Variants in ARAP1 observed in about 807,000 individuals in gnomAD.
ARAP1 encodes the protein ArfGAP with RhoGAP domain, ankyrin repeat and PH domain 1.
Under a neutral mutation model 172.2 loss-of-function variants are expected in ARAP1, and 76 were observed. The ratio of observed to expected loss-of-function variants is 0.44; its 90% CI spans 0.37 to 0.53. The LOEUF (loss-of-function observed/expected upper bound fraction) is 0.53. Ranked by LOEUF, ARAP1 falls within the 20% of genes least tolerant of loss-of-function variation. The probability of loss-of-function intolerance (pLI) is 0.00; values close to 1 mark genes in which losing one functional copy is unlikely to be tolerated. For missense variants in ARAP1, 1,686 were observed against 1,977.5 expected (o/e 0.85, Z 2.80); for synonymous variants, 804 against 803.3 (o/e 1.00, Z -0.01).
chr11:72,725,409 G>C lies in ARAP1; in HGVS notation c.509+1211C>G, dbSNP rs1369973873. ...GAAGAATGGTCACTAGAGGGCGCAA[G>C]GGCACCAGGAACCTTCAATCTGAGC... On this transcript the variant is annotated intron_variant, in intron 3 of 34. Transcript: ENST00000393609. This position sits in a 1 kb window ranked among gnomAD's most constrained non-coding sequence, Gnocchi z 4.3. Among the ~76,000 whole-genome samples the C allele has an allele frequency of 6.6e-6, 1 of 152,046 alleles. No individual in the cohort carries two copies. Among genetic ancestry groups the C allele is most frequent in the Non-Finnish European group, 1.5e-5 (1 of 68,004 alleles).
rs778819957 is a variant in ARAP1 at position 72,686,149 on chromosome 11, G to A, written c.4228C>T (p.Arg1410Trp). 6.8e-6 allele frequency: 11 copies of A among 1,613,844 alleles called. No homozygotes were observed. The highest frequency in any genetic ancestry group is 4.0e-5 in the African/African-American group (3 of 74,926). ...CCCAGCCGGACCTCAGGCACTGCCCGGGACACGCGTGAGGGCTCTGAGGGC... is the reference window on the plus strand; with the variant it reads ...CCCAGCCGGACCTCAGGCACTGCCCAGGACACGCGTGAGGGCTCTGAGGGC... ...VWPSEPSRVS[R>W]AVPEVRLGSV... The change falls in exon 34 of 35, where the codon CGG becomes TGG. Residue 1410 changes from arginine (R) to tryptophan (W), a missense_variant. This residue lies in a region of ARAP1 where 379 missense variants were observed against 500.1 expected (regional missense o/e 0.76). Transcript: ENST00000393609.
rs924397769 is a variant in ARAP1 at position 72,725,438 on chromosome 11, C to T, written c.509+1182G>A. Among the ~76,000 whole-genome samples the T allele has an allele frequency of 6.6e-6, 1 of 152,090 alleles. No individual in the cohort carries two copies. Among genetic ancestry groups the T allele is most frequent in the Admixed American group, 6.5e-5 (1 of 15,276 alleles). On this transcript the variant is annotated intron_variant, in intron 3 of 34. Transcript: ENST00000393609. The surrounding 1 kb of genome is among the most constrained non-coding windows in gnomAD (Gnocchi z 4.3). The stretch of plus-strand genomic sequence containing the variant: ...ACCAGGAACCTTCAATCTGAGCTTC[C>T]CTCCAGGTTCCTGGAGAGACCCTAT...
chr11:72,694,235 G>A (rs1185658746), intron 27 of ARAP1, among the ~76,000 whole-genome samples: 1 of 151,726 alleles, frequency 6.6e-6, no homozygotes, highest in Non-Finnish European at 1.5e-5. Context: ...ACGAAACCAT[G>A]GCCTTCAAAG....
chr11:72,723,792 G>A (rs1857602825), intron 3 of ARAP1, among the ~76,000 whole-genome samples: 1 of 152,218 alleles, frequency 6.6e-6, no homozygotes, highest in Non-Finnish European at 1.5e-5. Context: ...ATCCAGCACT[G>A]TTCTAGATGT....
At chr11:72,744,717 C>A (rs1409900721) in intron 1 of ARAP1, among the ~76,000 whole-genome samples, 1 of 152,204 alleles carries the variant, frequency 6.6e-6, no homozygotes, top group African/African-American at 2.4e-5. Context: ...ATTAGAGATA[C>A]TGGAGCAACC....
intron 30 of ARAP1, among the ~76,000 whole-genome samples, chr11:72,691,496 T>C (rs1202320158): frequency 1.3e-5 from 2 of 151,854 alleles, no homozygotes; most frequent in African/African-American, 4.8e-5. Flanking sequence ...GGCTCAGAAG[T>C]GAGGATGTGA....
chr11:72,691,433 G>A (rs865946339), intron 30 of ARAP1, among the ~76,000 whole-genome samples: 4 of 152,268 alleles, frequency 2.6e-5, no homozygotes, highest in South Asian at 2.1e-4. Flanking sequence ...AGAGGGAGGC[G>A]GCCAGGGAAA....
At position 72,695,718 on chromosome 11, in the gene ARAP1, A is replaced by C; in HGVS notation, c.3420T>G (p.Ser1140Arg). ...DLINHYVVVF[S>R]VDEEELRKQR... ...CACTGCCCACTGGCCAGGGACGCAC[A>C]CTAAACACCACCACATAGTGGTTAA... The change falls in exon 24 of 35, where the codon AGT (serine) becomes AGG (arginine). Residue 1140 changes from serine (S) to arginine (R), a missense_variant and splice_region_variant. By Grantham distance (110) the Ser-to-Arg change is moderately radical (BLOSUM62 -1). Transcript: ENST00000393609. This position sits in a 1 kb window ranked among gnomAD's most constrained non-coding sequence, Gnocchi z 4.4. 1 of 1,614,192 alleles carries C rather than the reference A, an allele frequency of 6.2e-7. No homozygotes were observed. The highest frequency in any genetic ancestry group is 1.1e-5 in the South Asian group (1 of 91,082).
chr11:72,747,603 C>T (rs1858406577), intron 1 of ARAP1, among the ~76,000 whole-genome samples: 1 of 152,224 alleles, frequency 6.6e-6, no homozygotes, highest in Non-Finnish European at 1.5e-5. Context: ...GGTTCCAGGG[C>T]CTGCTCTTGC....
intron 7 of ARAP1, 129 bp downstream of exon 7, chr11:72,712,067 G>T: frequency 2.3e-6 from 3 of 1,278,914 alleles, no homozygotes; most frequent in South Asian, 1.6e-5. Flanking sequence ...CCTGGAGGGA[G>T]ACCTGTGCAA....
intron 16 of ARAP1, 107 bp downstream of exon 16, chr11:72,701,542 T>C (rs1856482975): frequency 2.1e-5 from 31 of 1,456,742 alleles, no homozygotes; most frequent in Non-Finnish European, 2.8e-5. Context: ...GGAAGCCCTC[T>C]AGGGTGACTC....
In ARAP1 at chr11:72,711,000, A is replaced by G; in HGVS notation, c.1213+21T>C. The G allele has an allele frequency of 1.2e-6, 2 of 1,613,886 alleles. No homozygotes were observed. Among genetic ancestry groups the G allele is most frequent in the African/African-American group, 1.3e-5 (1 of 74,980 alleles). On this transcript the variant is annotated intron_variant, in intron 9 of 34. Transcript: ENST00000393609. The surrounding 1 kb of genome is among the most constrained non-coding windows in gnomAD (Gnocchi z 4.3). ...TCTCTACCCTCTTCTACACACACAC[A>G]CAACACCCCACACTCCCCACCATCA...
At chr11:72,742,823 G>A (rs989354013) in intron 1 of ARAP1, among the ~76,000 whole-genome samples, 1 of 152,174 alleles carries the variant, frequency 6.6e-6, no homozygotes, top group African/African-American at 2.4e-5. Context: ...TCTCAAATCT[G>A]ATCAGTTCTC....
At position 72,697,032 on chromosome 11, in the gene ARAP1, A is replaced by C. The variant is rs73529668; in HGVS notation, c.3117T>G (p.Pro1039=). The change falls in exon 22 of 35, where the codon CCT becomes CCG. Residue 1039 remains proline (P), a synonymous_variant. Coordinates refer to ENST00000393609, the MANE Select transcript of ARAP1 (RefSeq NM_001040118.3). ...SALKRFLRDL[P]DGLFTRAQRL... is the part of the protein sequence containing the mutation. ...GCTGGGCGCGAGTGAAGAGCCCATCAGGCAGGTCGCGCAGGAAGCGCTTGA... is the reference window on the plus strand; with the variant it reads ...GCTGGGCGCGAGTGAAGAGCCCATCCGGCAGGTCGCGCAGGAAGCGCTTGA... 1.5e-3 allele frequency: 2,381 copies of C among 1,609,838 alleles called. 21 individuals are homozygous for C. In the African/African-American group the frequency reaches 0.027, roughly 18 times the overall value.
chr11:72,704,493 G>A (rs889668181), intron 13 of ARAP1, 159 bp from the exon 14 acceptor site: 6 of 763,970 alleles, frequency 7.9e-6, no homozygotes, highest in African/African-American at 1.8e-5. Context: ...GCCTGCTGGT[G>A]GCTGGGGATG....
rs1045457362 is a variant in ARAP1, at chr11:72,726,384, C to T, written c.509+236G>A. ...CCACCCAGCCACCCAAGACAGAAACCTGGAGGCCTCACTGGCACACGCCCA... is the reference window on the plus strand; with the variant it reads ...CCACCCAGCCACCCAAGACAGAAACTTGGAGGCCTCACTGGCACACGCCCA... On this transcript the variant is annotated intron_variant, in intron 3 of 34. Coordinates refer to ENST00000393609, the MANE Select transcript of ARAP1 (RefSeq NM_001040118.3). This position sits in a 1 kb window ranked among gnomAD's most constrained non-coding sequence, Gnocchi z 6.5. 1.3e-5 allele frequency among the ~76,000 whole-genome samples: 2 copies of T among 152,188 alleles called. No individual in the cohort carries two copies. Among genetic ancestry groups the T allele is most frequent in the Admixed American group, 1.3e-4 (2 of 15,288 alleles).
At chr11:72,733,184 G>A (rs746439428) in intron 1 of ARAP1, among the ~76,000 whole-genome samples, 1 of 152,162 alleles carries the variant, frequency 6.6e-6, no homozygotes, top group Admixed American at 6.5e-5. Context: ...TGGTAAAGAG[G>A]AGTCAGGACT....
intron 23 of ARAP1, among the ~76,000 whole-genome samples, chr11:72,696,265 C>T (rs1444416684): frequency 2.6e-5 from 4 of 152,190 alleles, no homozygotes; most frequent in Non-Finnish European, 4.4e-5. Context: ...AATCTAATGC[C>T]GCGGCTGATC....
chr11:72,701,759 TTCA>T lies in ARAP1; in HGVS notation c.2189_2191del (p.Met730del), dbSNP rs775870782. 4 of 1,613,728 alleles carry T rather than the reference TTCA, an allele frequency of 2.5e-6. No homozygotes were observed. The highest frequency in any genetic ancestry group is 3.4e-6 in the Non-Finnish European group (4 of 1,179,856). On this transcript the variant is annotated inframe_deletion, in exon 16 of 35. Transcript: ENST00000393609. ...AACTGAGTAGTGCTTTTCCAGGGGC[TTCA>T]TCGAGTCCAGCCGAGGCACCTCTTT...
Sources: allele counts gnomAD v4.1 joint callset (sites outside exome capture counted in the v4.1 genomes callset), GRCh38; gene constraint gnomAD v4.1.1; regional missense constraint gnomAD v4.1.1; non-coding constraint Gnocchi (gnomAD v3.1); transcripts MANE v1.5; gene names NCBI Gene and HGNC (gene_info 2026-07-23, HGNC 2026-07-21).